Variants in MTA3 observed in about 807,000 individuals in gnomAD.
MTA3 encodes metastasis associated 1 family member 3, also known as metastasis-associated protein MTA3.
A neutral mutation model predicts 83.5 loss-of-function variants in MTA3; 34 were observed. The observed-to-expected ratio is 0.41, with a 90% CI of 0.31 to 0.54. The LOEUF (loss-of-function observed/expected upper bound fraction) is 0.54, where lower values mean the gene tolerates loss of function less well. Ranked by LOEUF, MTA3 falls within the 20% of genes least tolerant of loss-of-function variation. The pLI, the probability that MTA3 is intolerant of heterozygous loss-of-function variation, is 0.33. For missense variants in MTA3, 761 were observed against 726.4 expected, an observed-to-expected ratio of 1.05 and a Z score of -0.55; for synonymous variants, 303 against 252.7, an observed-to-expected ratio of 1.20 and a Z score of -1.89.
intron 2 of MTA3, among the ~76,000 whole-genome samples, chr2:42,535,044 A>G (rs1676158933): frequency 6.6e-6 from 1 of 152,048 alleles, no homozygotes; most frequent in South Asian, 2.1e-4. Flanking sequence ...CTTGTTATCT[A>G]TTAGAATCCC....
intron 3 of MTA3, among the ~76,000 whole-genome samples, chr2:42,585,330 T>C (rs989011103): frequency 6.6e-6 from 1 of 151,966 alleles, no homozygotes; most frequent in Non-Finnish European, 1.5e-5. Flanking sequence ...TCAGGTGATC[T>C]GCCCACCTCG....
At chr2:42,705,206 G>A (rs1665970709) in intron 12 of MTA3, among the ~76,000 whole-genome samples, 1 of 152,204 alleles carries the variant, frequency 6.6e-6, no homozygotes, top group Admixed American at 6.5e-5. Flanking sequence ...ATGGTACATG[G>A]GGATGTGTTT....
intron 4 of MTA3, among the ~76,000 whole-genome samples, chr2:42,630,519 G>C (rs952611904): frequency 4.6e-5 from 7 of 152,188 alleles, no homozygotes; most frequent in African/African-American, 1.7e-4. Context: ...AAATTGTGGA[G>C]TAAATTATGA....
At chr2:42,514,502 G>C (rs1675044826) in intron 2 of MTA3, among the ~76,000 whole-genome samples, 1 of 151,786 alleles carries the variant, frequency 6.6e-6, no homozygotes, top group Admixed American at 6.6e-5. Context: ...TCCTGCCTCA[G>C]CCTCCTGAGT....
At chr2:42,514,423 C>G (rs1183870397) in intron 2 of MTA3, among the ~76,000 whole-genome samples, 2 of 151,896 alleles carry the variant, frequency 1.3e-5, no homozygotes, top group African/African-American at 4.8e-5. Context: ...ACTTCATCAC[C>G]CAGGCTGGAG....
At chr2:42,631,361 A>G (rs797010113) in intron 4 of MTA3, among the ~76,000 whole-genome samples, 13 of 152,334 alleles carry the variant, frequency 8.5e-5, no homozygotes, top group African/African-American at 2.4e-4. Flanking sequence ...TGTTTATACT[A>G]TATAACCTTT....
chr2:42,666,058 A>T (rs934424869), intron 8 of MTA3, among the ~76,000 whole-genome samples: 2 of 152,206 alleles, frequency 1.3e-5, no homozygotes, highest in African/African-American at 4.8e-5. Flanking sequence ...TGGGTGGATC[A>T]CGAGATCAGG....
chr2:42,675,714 G>A (rs1691286753), intron 8 of MTA3, among the ~76,000 whole-genome samples: 1 of 152,116 alleles, frequency 6.6e-6, no homozygotes, highest in Non-Finnish European at 1.5e-5. Flanking sequence ...TAAACCGCAA[G>A]TCGTTGGTCC....
rs532357525 is a variant in MTA3, at chr2:42,646,265, G to T, written c.499+2021G>T. Among the ~76,000 whole-genome samples, 69 of 152,314 alleles carry T rather than the reference G, an allele frequency of 4.5e-4. 1 individual carries two copies. The South Asian group carries it at 0.014, about 30-fold the overall frequency. The stretch of plus-strand genomic sequence containing the variant: ...AAGAGCTCTGATGGGGATGTACAAG[G>T]AGGTGAATGTTGTTTGCATGACTGC... On this transcript the variant is annotated intron_variant, in intron 6 of 16. Transcript: ENST00000405094.
intron 2 of MTA3, among the ~76,000 whole-genome samples, chr2:42,545,987 G>C (rs554479392): frequency 1.3e-5 from 2 of 152,124 alleles, no homozygotes; most frequent in African/African-American, 4.8e-5. Flanking sequence ...CAGGCTCCGC[G>C]TTAACACTAA....
chr2:42,671,178 T>C (rs1286363226), intron 8 of MTA3, among the ~76,000 whole-genome samples: 1 of 152,208 alleles, frequency 6.6e-6, no homozygotes, highest in East Asian at 1.9e-4. Context: ...TAATCTGATT[T>C]ATAATTAGAA....
At chr2:42,518,413 G>A (rs2103687005) in intron 2 of MTA3, among the ~76,000 whole-genome samples, 1 of 152,296 alleles carries the variant, frequency 6.6e-6, no homozygotes, top group Non-Finnish European at 1.5e-5. Flanking sequence ...AAATGTCAAA[G>A]CCACAGAAGA....
intron 5 of MTA3, among the ~76,000 whole-genome samples, chr2:42,640,789 A>C (rs2104300401): frequency 6.6e-6 from 1 of 152,336 alleles, no homozygotes; most frequent in South Asian, 2.1e-4. Context: ...GCATAGTTTT[A>C]GGTGACATTT....
intron 3 of MTA3, among the ~76,000 whole-genome samples, chr2:42,591,166 G>T (rs1335411833): frequency 6.6e-6 from 1 of 152,134 alleles, no homozygotes; most frequent in East Asian, 1.9e-4. Flanking sequence ...TTTGTACTTA[G>T]GGTACAAATC....
At chr2:42,658,071 CAAAAAAAAAA>C (rs59628946) in intron 7 of MTA3, among the ~76,000 whole-genome samples, 9 of 51,916 alleles carry the variant, frequency 1.7e-4, no homozygotes, top group African/African-American at 5.5e-4. Flanking sequence ...GACTCTGTCT[CAAAAAAAAAA>C]AAAAAAAAAA....
At chr2:42,600,281 G>A (rs1248472491) in intron 3 of MTA3, among the ~76,000 whole-genome samples, 1 of 152,110 alleles carries the variant, frequency 6.6e-6, no homozygotes, top group Non-Finnish European at 1.5e-5. Context: ...AAGGGCAACA[G>A]GATTAGAAGA....
Position 42,708,186 on chromosome 2 carries a change from A to G in MTA3, c.1302+132A>G, listed in dbSNP as rs546872443. 3.3e-5 allele frequency: 30 copies of G among 906,158 alleles called. No individual in the cohort carries two copies. The African/African-American group carries it at 4.9e-4, about 15-fold the overall frequency. The allele number at this position is 906,158 out of a possible 1,614,324, so 56.1% of individuals were successfully genotyped here. ...CCTTTATAGCTAAACGTAGCACTAC[A>G]ATATTCAGGGTAGGTGTGGAGAGAA... On this transcript the variant is annotated intron_variant, in intron 13 of 16. Transcript: ENST00000405094.
At chr2:42,739,256 C>A (rs942857479) in intron 16 of MTA3, among the ~76,000 whole-genome samples, 1 of 152,098 alleles carries the variant, frequency 6.6e-6, no homozygotes, top group Middle Eastern at 3.4e-3. Context: ...TCAAGCCAGC[C>A]GACACTTAGG....
intron 3 of MTA3, among the ~76,000 whole-genome samples, chr2:42,583,510 A>G (rs1427359199): frequency 3.9e-5 from 6 of 152,114 alleles, no homozygotes; most frequent in Non-Finnish European, 7.4e-5. Context: ...TAGTTTTTCC[A>G]TTTAAAAAAC....
Sources: allele counts gnomAD v4.1 joint callset (sites outside exome capture counted in the v4.1 genomes callset), GRCh38; gene constraint gnomAD v4.1.1; transcripts MANE v1.5; gene names NCBI Gene and HGNC (gene_info 2026-07-23, HGNC 2026-07-21).